Variants in SLC2A9 observed in about 807,000 individuals in gnomAD.
SLC2A9 encodes solute carrier family 2, facilitated glucose transporter member 9.
SLC2A9 carries 39 observed loss-of-function variants against 50.6 expected under a neutral mutation model. The observed-to-expected ratio is 0.77, with a 90% CI of 0.60 to 1.01. The LOEUF is 1.01. Ranked by LOEUF, SLC2A9 falls within the 50% of genes least tolerant of loss-of-function variation. SLC2A9 has a pLI of 0.00. For synonymous variants in SLC2A9, 324 were observed against 276.9 expected (o/e 1.17, Z -1.69); for missense variants, 686 against 677.6 (o/e 1.01, Z -0.14).
intron 8 of SLC2A9, among the ~76,000 whole-genome samples, chr4:9,900,313 G>C (rs1432991980): frequency 6.6e-6 from 1 of 152,210 alleles, no homozygotes; most frequent in Non-Finnish European, 1.5e-5. Flanking sequence ...GATGTTATCA[G>C]AGGGATGGGG....
At chr4:9,816,709 G>A (rs1321739196) in intron 3 of SLC2A9, among the ~76,000 whole-genome samples, 1 of 151,968 alleles carries the variant, frequency 6.6e-6, no homozygotes, top group Non-Finnish European at 1.5e-5. Context: ...TAGCCCTTGT[G>A]ACTCAGTTGA....
chr4:9,976,875 C>G (rs1189308655), intron 5 of SLC2A9, among the ~76,000 whole-genome samples: 1 of 152,202 alleles, frequency 6.6e-6, no homozygotes, highest in African/African-American at 2.4e-5. Context: ...TCACCTTTTC[C>G]CCTGCAGAGC....
intron 8 of SLC2A9, among the ~76,000 whole-genome samples, chr4:9,902,005 C>T (rs973429032): frequency 2.0e-5 from 3 of 152,212 alleles, no homozygotes; most frequent in Non-Finnish European, 4.4e-5. Context: ...TACATGCCCT[C>T]GGCTGCCCTG....
Position 9,941,793 on chromosome 4 carries a change from C to G in SLC2A9, c.814+120G>C, listed in dbSNP as rs900524564. On this transcript the variant is annotated intron_variant, in intron 6 of 11. Transcript: ENST00000264784. ...GTACCCTATGATACCCAGCCCAGTG[C>G]CTGCAAAAAGGAACAATGACAACAC... 2.8e-6 allele frequency: 4 copies of G among 1,420,384 alleles called. No individual in the cohort carries two copies. The African/African-American group carries it at 5.7e-5, about 20-fold the overall frequency. 88.0% of individuals were successfully genotyped at this position (1,420,384 alleles called of 1,614,324 possible). A position where few individuals can be genotyped will look rare whatever the true frequency, so the allele number is the denominator to read the frequency against.
chr4:9,881,727 T>A (rs1352298260), intron 10 of SLC2A9, among the ~76,000 whole-genome samples: 4 of 152,206 alleles, frequency 2.6e-5, no homozygotes, highest in Admixed American at 2.0e-4. Flanking sequence ...TCCCTGTCAA[T>A]AGATGCAATC....
At chr4:9,982,640 G>A (rs1359636951) in intron 4 of SLC2A9, among the ~76,000 whole-genome samples, 1 of 152,160 alleles carries the variant, frequency 6.6e-6, no homozygotes, top group Admixed American at 6.5e-5. Context: ...AATCTCAGTT[G>A]CCTCCACTAG....
intron 2 of SLC2A9, among the ~76,000 whole-genome samples, chr4:10,008,824 C>T (rs1477091952): frequency 6.6e-6 from 1 of 150,788 alleles, no homozygotes; most frequent in Non-Finnish European, 1.5e-5. Context: ...GGCTGGTATA[C>T]AAATGAGAGA....
intron 3 of SLC2A9, among the ~76,000 whole-genome samples, chr4:9,819,116 CAAAAAAA>C (rs60751108): frequency 1.6e-4 from 9 of 57,374 alleles, no homozygotes; most frequent in African/African-American, 2.1e-4. Flanking sequence ...GAGACTGTCT[CAAAAAAA>C]AAAAAAAAAA....
At chr4:9,808,868 C>G (rs545081197) in intron 3 of SLC2A9, among the ~76,000 whole-genome samples, 1 of 152,154 alleles carries the variant, frequency 6.6e-6, no homozygotes. Flanking sequence ...ACCATTCACA[C>G]AAAAGAAGGT....
Position 9,885,976 on chromosome 4 carries a change from G to A in SLC2A9, c.1291+1591C>T, listed in dbSNP as rs529981984. On this transcript the variant is annotated intron_variant, in intron 10 of 11. Coordinates refer to ENST00000264784, the MANE Select transcript of SLC2A9 (RefSeq NM_020041.3). ...ATGTCTGCATTAAACAAATGAGTAC[G>A]CAGGAAACCAACATGCCTGTGAACA... Among the ~76,000 whole-genome samples, 10 of 152,354 alleles carry A rather than the reference G, an allele frequency of 6.6e-5. No homozygotes were observed. In the East Asian group the frequency reaches 1.3e-3, roughly 21 times the overall value.
intron 3 of SLC2A9, among the ~76,000 whole-genome samples, chr4:9,806,463 T>C (rs185677684): frequency 9.8e-5 from 15 of 152,322 alleles, no homozygotes; most frequent in Non-Finnish European, 1.9e-4. Flanking sequence ...TGTCAGTAAA[T>C]ATGTGGGTAA....
At chr4:9,930,267 G>A (rs971462645) in intron 6 of SLC2A9, among the ~76,000 whole-genome samples, 2 of 152,200 alleles carry the variant, frequency 1.3e-5, no homozygotes, top group Non-Finnish European at 2.9e-5. Flanking sequence ...GAGCAAGACG[G>A]ATATCTGTGT....
At chr4:9,819,124 A>G (rs1187103801) in intron 3 of SLC2A9, among the ~76,000 whole-genome samples, 3 of 151,314 alleles carry the variant, frequency 2.0e-5, no homozygotes, top group African/African-American at 7.3e-5. Flanking sequence ...CTCAAAAAAA[A>G]AAAAAAAAAA....
At chr4:9,921,269 A>G (rs1339179575) in intron 6 of SLC2A9, among the ~76,000 whole-genome samples, 2 of 152,172 alleles carry the variant, frequency 1.3e-5, no homozygotes, top group Non-Finnish European at 2.9e-5. Context: ...CATGTTGAAC[A>G]CTGCAAACTT....
intron 6 of SLC2A9, among the ~76,000 whole-genome samples, chr4:9,937,113 C>A (rs1747230651): frequency 6.6e-6 from 1 of 152,220 alleles, no homozygotes; most frequent in Admixed American, 6.5e-5. Context: ...ATCACAGGCA[C>A]AACATAGAAA....
At chr4:9,824,190 A>C (rs1996335), downstream of SLC2A9, among the ~76,000 whole-genome samples, 143,151 of 152,116 alleles carry the variant, frequency 0.94, 67,635 homozygotes, top group Non-Finnish European at 0.96. Context: ...CCAGTGAACA[A>C]ACTTAGCCGC....
rs564147298 is a variant in SLC2A9 at position 9,856,678 on chromosome 4, C to T, written c.1292-21670G>A. ...AGATGCATGTGTATGTTCATTGCAG[C>T]AACTATTCACAATAGCAAAGACATA... On this transcript the variant is annotated intron_variant, in intron 10 of 11. Transcript: ENST00000264784. Among the ~76,000 whole-genome samples, 788 of 152,236 alleles carry T rather than the reference C, an allele frequency of 5.2e-3. 2 individuals carry two copies. Among genetic ancestry groups the T allele is most frequent in the Non-Finnish European group, 8.4e-3 (572 of 68,006 alleles).
chr4:10,006,903 C>T (rs1230185171), intron 2 of SLC2A9, among the ~76,000 whole-genome samples: 1 of 151,960 alleles, frequency 6.6e-6, no homozygotes, highest in Non-Finnish European at 1.5e-5. Flanking sequence ...CGAGAAAAAC[C>T]CTGGACTCCA....
At chr4:9,855,470 CACAA>C (rs1730588014) in intron 10 of SLC2A9, among the ~76,000 whole-genome samples, 1 of 152,184 alleles carries the variant, frequency 6.6e-6, no homozygotes, top group Admixed American at 6.5e-5. Context: ...TCAGAGATGA[CACAA>C]ACAAATAGAA....
Sources: gnomAD v4.1 joint callset for allele counts (sites outside exome capture counted in the v4.1 genomes callset) on GRCh38, gnomAD v4.1.1 for gene constraint, MANE v1.5 for transcripts, NCBI Gene and HGNC (gene_info 2026-07-23, HGNC 2026-07-21) for gene names.